SECISBP2L: variants seen among roughly 807,000 people sequenced by gnomAD.
The protein encoded by SECISBP2L is SECIS binding protein 2 like.
Under a neutral mutation model 114.7 loss-of-function variants are expected in SECISBP2L, and 43 were observed. That is an observed-to-expected ratio of 0.38 (90% CI 0.29 to 0.48). The LOEUF (loss-of-function observed/expected upper bound fraction) is 0.48, where lower values mean the gene tolerates loss of function less well. Ranked by LOEUF, SECISBP2L falls within the 20% of genes least tolerant of loss-of-function variation. SECISBP2L has a pLI of 0.98. For missense variants in SECISBP2L, 1,136 were observed against 1,301.1 expected (o/e 0.87, Z 1.95); for synonymous variants, 451 against 439.7 (o/e 1.03, Z -0.32).
intron 14 of SECISBP2L, 122 bp from the exon 15 acceptor site, chr15:49,001,219 T>G: frequency 1.5e-6 from 1 of 655,600 alleles, no homozygotes; most frequent in South Asian, 2.3e-5. Context: ...ATGAAAAGTC[T>G]CTTAAAGAAG....
At chr15:49,017,921 A>C in intron 8 of SECISBP2L, 1 of 247,576 alleles carries the variant, frequency 4.0e-6, no homozygotes, top group Non-Finnish European at 7.6e-6. Flanking sequence ...AAAGAAATTC[A>C]AACTGGGTTT....
chr15:49,034,013 A>T (rs574772335), intron 3 of SECISBP2L, among the ~76,000 whole-genome samples: 1 of 152,084 alleles, frequency 6.6e-6, no homozygotes, highest in East Asian at 1.9e-4. Context: ...AACATCTGTA[A>T]ATTATATACT....
At chr15:49,017,858 CCTA>C in intron 8 of SECISBP2L, 2 of 337,978 alleles carry the variant, frequency 5.9e-6, no homozygotes. Flanking sequence ...GATTTCTGCA[CCTA>C]CTATTTCATT....
intron 13 of SECISBP2L, among the ~76,000 whole-genome samples, chr15:49,011,342 A>G (rs1902433592): frequency 6.6e-6 from 1 of 152,234 alleles, no homozygotes. Flanking sequence ...TGAAAGCAAG[A>G]AAATCAACAA....
intron 16 of SECISBP2L, among the ~76,000 whole-genome samples, chr15:48,998,106 C>T (rs1902131292): frequency 1.3e-5 from 2 of 152,148 alleles, no homozygotes; most frequent in African/African-American, 2.4e-5. Flanking sequence ...ATAACCTGGA[C>T]ATTTTTGAGA....
chr15:49,028,332 G>A, intron 5 of SECISBP2L, 121 bp downstream of exon 5: 1 of 1,044,092 alleles, frequency 9.6e-7, no homozygotes, highest in Non-Finnish European at 1.4e-6. Context: ...AAATACATTT[G>A]TAACTATCCT....
Position 48,993,409 on chromosome 15 carries a change from C to T in SECISBP2L, c.2624-483G>A, listed in dbSNP as rs193043809. 1.3e-4 allele frequency among the ~76,000 whole-genome samples: 20 copies of T among 152,242 alleles called. No homozygotes were observed. The East Asian group carries it at 3.7e-3, about 28-fold the overall frequency. ...GCAAGAGATCTTATACCAATAGGAG[C>T]TCACTGGCATTCACAAATAAAATCC... On this transcript the variant is annotated intron_variant, in intron 17 of 17. Coordinates refer to ENST00000559471, the MANE Select transcript of SECISBP2L (RefSeq NM_001193489.2).
intron 14 of SECISBP2L, among the ~76,000 whole-genome samples, chr15:49,003,868 G>A (rs1287513478): frequency 6.6e-6 from 1 of 152,164 alleles, no homozygotes; most frequent in Non-Finnish European, 1.5e-5. Flanking sequence ...TTTCCGCATC[G>A]ATGTTCATCA....
At chr15:49,030,458 C>T (rs936916123) in intron 4 of SECISBP2L, among the ~76,000 whole-genome samples, 1 of 152,210 alleles carries the variant, frequency 6.6e-6, no homozygotes, top group Non-Finnish European at 1.5e-5. Flanking sequence ...AGCCTGCTAG[C>T]ACAGTGTTCC....
chr15:49,030,082 A>G (rs138111912), intron 4 of SECISBP2L, among the ~76,000 whole-genome samples: 332 of 152,046 alleles, frequency 2.2e-3, no homozygotes, highest in African/African-American at 7.7e-3. Context: ...CTCTCTTTGA[A>G]CAAATTACAA....
chr15:49,023,387 T>C (rs954279660), intron 7 of SECISBP2L, among the ~76,000 whole-genome samples: 18 of 152,232 alleles, frequency 1.2e-4, no homozygotes, highest in African/African-American at 4.3e-4. Flanking sequence ...AATTTTTATC[T>C]AACTGGCATA....
At chr15:48,995,983 CTG>C (rs1449686744) in intron 17 of SECISBP2L, 2 of 190,324 alleles carry the variant, frequency 1.1e-5, no homozygotes, top group African/African-American at 4.8e-5. Context: ...CTATAACTGA[CTG>C]TGAACAAATT....
chr15:49,018,839 T>C (rs746335823), intron 8 of SECISBP2L, among the ~76,000 whole-genome samples: 1 of 152,192 alleles, frequency 6.6e-6, no homozygotes, highest in African/African-American at 2.4e-5. Context: ...TGTATATGCC[T>C]ATGTTCTTCT....
Position 48,989,862 on chromosome 15 carries a change from G to A in SECISBP2L, c.*2382C>T, listed in dbSNP as rs1595778458. Reference sequence around the variant, plus strand: ...AATTTTCACAACTCCTCCAAAGCCTGTAATTCAATATTCCAAAATTTAAAG... The same window carrying A: ...AATTTTCACAACTCCTCCAAAGCCTATAATTCAATATTCCAAAATTTAAAG... On this transcript the variant is annotated 3_prime_UTR_variant, in exon 18 of 18. Coordinates refer to ENST00000559471, the MANE Select transcript of SECISBP2L (RefSeq NM_001193489.2). 1.3e-5 allele frequency: 2 copies of A among 152,624 alleles called. No individual in the cohort carries two copies. Among genetic ancestry groups the A allele is most frequent in the South Asian group, 4.2e-4 (2 of 4,818 alleles). The allele number at this position is 152,624 out of a possible 1,614,324, so 9.5% of individuals were successfully genotyped here.
chr15:49,023,230 TG>T (rs1902677137), intron 7 of SECISBP2L, among the ~76,000 whole-genome samples: 1 of 152,176 alleles, frequency 6.6e-6, no homozygotes, highest in South Asian at 2.1e-4. Flanking sequence ...TTGATCAAAC[TG>T]ATTTTAAAAT....
At chr15:48,993,510 C>G (rs568412454) in intron 17 of SECISBP2L, among the ~76,000 whole-genome samples, 26 of 152,086 alleles carry the variant, frequency 1.7e-4, no homozygotes, top group Non-Finnish European at 2.1e-4. Context: ...GACCCACAAC[C>G]CAAGAGATAG....
intron 17 of SECISBP2L, among the ~76,000 whole-genome samples, 174 bp from the exon 18 acceptor site, chr15:48,993,100 A>AGAGAGAGTGTGTGTGTGTGT (rs772299775): frequency 5.8e-5 from 8 of 139,128 alleles, no homozygotes; most frequent in African/African-American, 1.7e-4. Context: ...ACAGAGAGAG[A>AGAGAGAGTGTGTGTGTGTGT]GTGTGTGTGT....
intron 16 of SECISBP2L, among the ~76,000 whole-genome samples, chr15:48,997,483 C>G (rs765510898): frequency 2.2e-4 from 34 of 152,132 alleles, no homozygotes; most frequent in Non-Finnish European, 4.3e-4. Context: ...GAATATGGAG[C>G]TAAAAAACCA....
At chr15:49,000,732 T>C (rs1406260677) in intron 15 of SECISBP2L, 145 bp downstream of exon 15, 5 of 617,068 alleles carry the variant, frequency 8.1e-6, no homozygotes, top group Admixed American at 7.0e-5. Flanking sequence ...ATTTCAGGTA[T>C]TGAAAGACTG....
Sources: allele counts gnomAD v4.1 joint callset (sites outside exome capture counted in the v4.1 genomes callset), GRCh38; gene constraint gnomAD v4.1.1; transcripts MANE v1.5; gene names NCBI Gene and HGNC (gene_info 2026-07-23, HGNC 2026-07-21).